Variants in HSD17B4 observed in about 807,000 individuals in gnomAD.
The protein encoded by HSD17B4 is hydroxysteroid 17-beta dehydrogenase 4.
Under a neutral mutation model 101.0 loss-of-function variants are expected in HSD17B4, and 70 were observed. The ratio of observed to expected loss-of-function variants is 0.69; its 90% CI spans 0.57 to 0.85. The LOEUF is 0.85. Ranked by LOEUF, HSD17B4 falls within the 40% of genes least tolerant of loss-of-function variation. The pLI is 0.00. For synonymous variants in HSD17B4, 347 were observed against 297.1 expected (o/e 1.17, Z -1.73); for missense variants, 984 against 892.4 (o/e 1.10, Z -1.31).
intron 16 of HSD17B4, among the ~76,000 whole-genome samples, chr5:119,513,326 GA>G (rs1271718426): frequency 2.6e-5 from 4 of 152,178 alleles, no homozygotes; most frequent in Non-Finnish European, 5.9e-5. Flanking sequence ...GGCTATATTA[GA>G]TGAAGTAAAT....
chr5:119,457,187 A>G (rs10045177), intron 2 of HSD17B4, among the ~76,000 whole-genome samples: 1,893 of 152,318 alleles, frequency 0.012, 16 homozygotes, highest in African/African-American at 0.023. Context: ...TTTCTGGGGA[A>G]TAACTAAATG....
intron 2 of HSD17B4, among the ~76,000 whole-genome samples, chr5:119,467,771 A>C (rs973439087): frequency 2.0e-5 from 3 of 152,222 alleles, no homozygotes; most frequent in Admixed American, 6.5e-5. Flanking sequence ...CAACTTCAGG[A>C]CTTGAGTAGG....
Position 119,506,833 on chromosome 5 carries a change from A to G in HSD17B4, c.1277A>G (p.Glu426Gly), listed in dbSNP as rs1751694608. 2 of 1,580,968 alleles carry G rather than the reference A, an allele frequency of 1.3e-6. No homozygotes were observed. Among genetic ancestry groups the G allele is most frequent in the East Asian group, 2.2e-5 (1 of 44,568 alleles). ...TTCTTTCTAGGAAAATTAAAATGTG[A>G]AGCAGTTGTTGCTGATGTCCTAGAT... ...PLPRAGKLKC[E>G]AVVADVLDKG... Residue 426 changes from glutamate to glycine, a missense_variant, in exon 15 of 24, where the codon GAA becomes GGA. Coordinates refer to ENST00000510025, the MANE Select transcript of HSD17B4 (RefSeq NM_000414.4).
intron 2 of HSD17B4, among the ~76,000 whole-genome samples, chr5:119,472,085 A>G (rs1007350319): frequency 1.3e-5 from 2 of 152,228 alleles, no homozygotes; most frequent in African/African-American, 4.8e-5. Flanking sequence ...GTTATGGTAT[A>G]AATTAGTGAC....
intron 2 of HSD17B4, among the ~76,000 whole-genome samples, chr5:119,469,801 G>T (rs950981600): frequency 3.9e-5 from 6 of 152,178 alleles, no homozygotes; most frequent in African/African-American, 1.4e-4. Flanking sequence ...TTAGCTTCTG[G>T]TTGGGCACAG....
At chr5:119,531,434 C>A (rs1342812058) in intron 22 of HSD17B4, 30 bp downstream of exon 22, 1 of 1,592,882 alleles carries the variant, frequency 6.3e-7, no homozygotes, top group South Asian at 1.1e-5. Context: ...TTATAATATT[C>A]TAAGGTAATT....
In HSD17B4 at chr5:119,526,116, A is replaced by G. The variant is rs530321766; in HGVS notation, c.1680+93A>G. The G allele has an allele frequency of 2.3e-5, 18 of 781,718 alleles. No individual in the cohort carries two copies. In the South Asian group the frequency reaches 2.5e-4, roughly 11 times the overall value. 48.4% of individuals were successfully genotyped at this position (781,718 alleles called of 1,614,324 possible). ...TTTAGTGATTTAATTGAAAATAGAT[A>G]TTGTACTACAGCAATGTACATTTTT... On this transcript the variant is annotated intron_variant, in intron 19 of 23. Coordinates refer to ENST00000510025, the MANE Select transcript of HSD17B4 (RefSeq NM_000414.4).
chr5:119,485,461 A>G (rs1749534042), intron 8 of HSD17B4, among the ~76,000 whole-genome samples: 1 of 152,156 alleles, frequency 6.6e-6, no homozygotes, highest in Non-Finnish European at 1.5e-5. Context: ...AAAGTAAGAA[A>G]GTTATAGATC....
At chr5:119,483,606 GTTTC>G (rs1170622341) in intron 8 of HSD17B4, among the ~76,000 whole-genome samples, 3 of 152,040 alleles carry the variant, frequency 2.0e-5, no homozygotes, top group Admixed American at 6.6e-5. Context: ...TATGGTCATA[GTTTC>G]TTTGTGTAAA....
intron 16 of HSD17B4, among the ~76,000 whole-genome samples, chr5:119,511,747 T>A (rs926830769): frequency 6.6e-6 from 1 of 152,334 alleles, no homozygotes; most frequent in South Asian, 2.1e-4. Context: ...GCTAAGTTAC[T>A]AAATAAATAA....
chr5:119,493,749 G>C, intron 10 of HSD17B4, 69 bp from the exon 11 acceptor site: 1 of 1,392,378 alleles, frequency 7.2e-7, no homozygotes, highest in Non-Finnish European at 1.0e-6. Flanking sequence ...AAATGAAAGG[G>C]TTCTTATGCA....
At chr5:119,508,369 G>A (rs1040572441) in intron 15 of HSD17B4, among the ~76,000 whole-genome samples, 2 of 152,140 alleles carry the variant, frequency 1.3e-5, no homozygotes, top group African/African-American at 4.8e-5. Flanking sequence ...TTATTCAGTT[G>A]CCTATGTGAT....
chr5:119,478,419 G>T (rs943173140), intron 7 of HSD17B4, among the ~76,000 whole-genome samples: 3 of 152,180 alleles, frequency 2.0e-5, no homozygotes, highest in Non-Finnish European at 4.4e-5. Flanking sequence ...AGTAGAGTGA[G>T]TGAGGTTGGG....
At chr5:119,487,642 GTTC>G (rs909697909) in intron 8 of HSD17B4, among the ~76,000 whole-genome samples, 1 of 151,984 alleles carries the variant, frequency 6.6e-6, no homozygotes, top group Non-Finnish European at 1.5e-5. Flanking sequence ...TGTGGCTTAT[GTTC>G]TTTTCTTTTT....
intron 22 of HSD17B4, 113 bp downstream of exon 22, chr5:119,531,517 T>A: frequency 9.8e-7 from 1 of 1,023,622 alleles, no homozygotes; most frequent in Non-Finnish European, 1.5e-6. Context: ...TTTAGGTAAG[T>A]TTTTTTTCTT....
intron 8 of HSD17B4, 73 bp from the exon 9 acceptor site, chr5:119,489,119 C>G: frequency 9.9e-7 from 1 of 1,008,492 alleles, no homozygotes; most frequent in South Asian, 1.3e-5. Flanking sequence ...TCTGAATTAC[C>G]TATAATTTTA....
intron 6 of HSD17B4, among the ~76,000 whole-genome samples, chr5:119,476,155 T>C (rs1748561592): frequency 6.6e-6 from 1 of 152,206 alleles, no homozygotes; most frequent in South Asian, 2.1e-4. Flanking sequence ...TAAGAGGTTG[T>C]CAGCATTTTC....
chr5:119,514,228 C>T lies in HSD17B4; in HGVS notation c.1438-753C>T, dbSNP rs143723295. Among the ~76,000 whole-genome samples, 428 of 152,104 alleles carry T rather than the reference C, an allele frequency of 2.8e-3. 1 individual carries two copies. The highest frequency in any genetic ancestry group is 9.5e-3 in the African/African-American group (395 of 41,482). ...ATCTTTTTTTATGTTTTGGGTGTGG[C>T]GGGGTTTGTGAGGATAAGTTTGGGA... is the stretch of plus-strand genomic sequence containing the variant. On this transcript the variant is annotated intron_variant, in intron 16 of 23. Coordinates refer to ENST00000510025, the MANE Select transcript of HSD17B4 (RefSeq NM_000414.4).
At chr5:119,455,009 T>C (rs1321271157) in intron 1 of HSD17B4, among the ~76,000 whole-genome samples, 2 of 152,254 alleles carry the variant, frequency 1.3e-5, no homozygotes, top group African/African-American at 4.8e-5. Flanking sequence ...AAATATAAAT[T>C]GTTAATTAAA....
Sources: gnomAD v4.1 joint callset for allele counts (sites outside exome capture counted in the v4.1 genomes callset) on GRCh38, gnomAD v4.1.1 for gene constraint, MANE v1.5 for transcripts, NCBI Gene and HGNC (gene_info 2026-07-23, HGNC 2026-07-21) for gene names.